Variants in TNFRSF10B observed in about 807,000 individuals in gnomAD.
TNFRSF10B encodes tumor necrosis factor receptor superfamily member 10B.
A neutral mutation model predicts 41.4 loss-of-function variants in TNFRSF10B; 35 were observed. The ratio of observed to expected loss-of-function variants is 0.85; its 90% confidence interval spans 0.65 to 1.12. TNFRSF10B has a LOEUF of 1.12. Ranked by LOEUF, TNFRSF10B falls within the 50% of genes most tolerant of loss-of-function variation. TNFRSF10B has a pLI of 0.00. For missense variants in TNFRSF10B, 584 were observed against 552.7 expected (o/e 1.06, Z -0.57); for synonymous variants, 230 against 215.5 (o/e 1.07, Z -0.59).
chr8:23,033,393 G>A (rs180740033), intron 2 of TNFRSF10B, among the ~76,000 whole-genome samples: 279 of 151,942 alleles, frequency 1.8e-3, no homozygotes, highest in African/African-American at 6.5e-3. Flanking sequence ...GACCATCCTG[G>A]CTAACACGGT....
Position 23,021,363 on chromosome 8 carries a change from G to C in TNFRSF10B, c.*1308C>G, listed in dbSNP as rs1041518314. 2.2e-6 allele frequency: 1 copy of C among 453,990 alleles called. No homozygotes were observed. Among genetic ancestry groups the C allele is most frequent in the Non-Finnish European group, 4.4e-6 (1 of 226,806 alleles). The allele number at this position is 453,990 out of a possible 1,614,324, so 28.1% of individuals were successfully genotyped here. On this transcript the variant is annotated 3_prime_UTR_variant, in exon 9 of 9. Transcript: ENST00000276431. ...CTAAAAGGCAGCTCATGGGCTCAGG[G>C]TGACAGATAACCAGAAGTGAGCCGG...
At chr8:23,050,156 G>A (rs1163920030) in intron 1 of TNFRSF10B, among the ~76,000 whole-genome samples, 4 of 152,210 alleles carry the variant, frequency 2.6e-5, no homozygotes, top group Admixed American at 1.3e-4. Flanking sequence ...CCATTTATCC[G>A]GTACTGCCAA....
chr8:23,029,660 G>A lies in TNFRSF10B; in HGVS notation c.426C>T (p.Gly142=), dbSNP rs776383171. 1.9e-6 allele frequency: 3 copies of A among 1,613,700 alleles called. No homozygotes were observed. The highest frequency in any genetic ancestry group is 2.5e-6 in the Non-Finnish European group (3 of 1,179,944). The change falls in exon 4 of 9, where the codon GGC becomes GGT. Residue 142 remains glycine (G), a synonymous_variant. Transcript: ENST00000276431. ...TRNTVCQCEE[G]TFREEDSPEM... ...CAGGAGAATCTTCTTCCCGGAAGGTGCCTTCTTCGCACTGACACACTGTGT... is the reference window on the plus strand; with the variant it reads ...CAGGAGAATCTTCTTCCCGGAAGGTACCTTCTTCGCACTGACACACTGTGT...
intron 2 of TNFRSF10B, 108 bp from the exon 3 acceptor site, chr8:23,030,980 G>C: frequency 1.3e-6 from 1 of 771,000 alleles, no homozygotes; most frequent in East Asian, 2.7e-5. Flanking sequence ...CCAAAAGAGG[G>C]AAATCTCCTC....
chr8:23,029,186 C>T (rs969742669), intron 4 of TNFRSF10B, among the ~76,000 whole-genome samples: 1 of 152,134 alleles, frequency 6.6e-6, no homozygotes, highest in Non-Finnish European at 1.5e-5. Context: ...CTTATTATGC[C>T]TTTTGTGGGC....
intron 1 of TNFRSF10B, among the ~76,000 whole-genome samples, chr8:23,062,223 TTTTC>T (rs769931243): frequency 2.0e-5 from 3 of 152,110 alleles, no homozygotes; most frequent in South Asian, 2.1e-4. Context: ...TCTTTTTTCT[TTTTC>T]TTTCTTTCTT....
chr8:23,061,797 G>T (rs1257068996), intron 1 of TNFRSF10B, among the ~76,000 whole-genome samples: 2 of 152,150 alleles, frequency 1.3e-5, no homozygotes, highest in Admixed American at 6.5e-5. Context: ...ATGATCATGT[G>T]TCTTTTTCCC....
chr8:23,047,155 C>T (rs1158229053), intron 1 of TNFRSF10B, among the ~76,000 whole-genome samples: 2 of 151,996 alleles, frequency 1.3e-5, no homozygotes. Context: ...GTCGGGAGTT[C>T]AAGACCAGCC....
Position 23,025,421 on chromosome 8 carries a change from C to T in TNFRSF10B, c.937-1161G>A, listed in dbSNP as rs149377140. Among the ~76,000 whole-genome samples the T allele has an allele frequency of 5.3e-5, 8 of 151,866 alleles. No homozygotes were observed. The East Asian group carries it at 5.8e-4, about 11-fold the overall frequency. On this transcript the variant is annotated intron_variant, in intron 7 of 8. Transcript: ENST00000276431. ...TTGTAAAGTCTAGTGACTATGTGGGCGGGAGGGGTACTAGAGAAAATCTTA... is the reference window on the plus strand; with the variant it reads ...TTGTAAAGTCTAGTGACTATGTGGGTGGGAGGGGTACTAGAGAAAATCTTA...
intron 1 of TNFRSF10B, among the ~76,000 whole-genome samples, chr8:23,063,206 G>GGT (rs1193089019): frequency 1.3e-5 from 2 of 152,046 alleles, no homozygotes; most frequent in African/African-American, 4.8e-5. Flanking sequence ...AAATTAGCTG[G>GGT]GTGTGGTGGC....
intron 1 of TNFRSF10B, among the ~76,000 whole-genome samples, chr8:23,057,824 A>G (rs1406243993): frequency 1.3e-5 from 2 of 152,190 alleles, no homozygotes; most frequent in South Asian, 2.1e-4. Context: ...ATGTCTTATA[A>G]TATTCTTTAC....
chr8:23,022,125 T>C lies in TNFRSF10B; in HGVS notation c.*546A>G, dbSNP rs1471158377. On this transcript the variant is annotated 3_prime_UTR_variant, in exon 9 of 9. Coordinates refer to ENST00000276431, the MANE Select transcript of TNFRSF10B (RefSeq NM_003842.5). ...AATACAAAAAATTAGCCGGGCGTGGTGGTGCACACCTGTGGTCCCAGCTAT... is the reference window on the plus strand; with the variant it reads ...AATACAAAAAATTAGCCGGGCGTGGCGGTGCACACCTGTGGTCCCAGCTAT... 1 of 433,762 alleles carries C rather than the reference T, an allele frequency of 2.3e-6. No homozygotes were observed. Among genetic ancestry groups the C allele is most frequent in the African/African-American group, 2.0e-5 (1 of 49,190 alleles). The allele number at this position is 433,762 out of a possible 1,614,324, so 26.9% of individuals were successfully genotyped here.
Position 23,029,604 on chromosome 8 carries a change from T to A in TNFRSF10B, c.476+6A>T. On this transcript the variant is annotated splice_donor_region_variant and intron_variant, in intron 4 of 8. Transcript: ENST00000276431. The stretch of plus-strand genomic sequence containing the variant: ...AGCTACTGGGAGCCCCCGGCTCCTG[T>A]CTCACCCTGTGCGGCACTTCCGGCA... 1 of 1,607,214 alleles carries A rather than the reference T, an allele frequency of 6.2e-7. No homozygotes were observed. The highest frequency in any genetic ancestry group is 8.5e-7 in the Non-Finnish European group (1 of 1,176,406).
intron 4 of TNFRSF10B, among the ~76,000 whole-genome samples, chr8:23,028,932 G>A (rs551036141): frequency 1.3e-5 from 2 of 152,328 alleles, no homozygotes; most frequent in African/African-American, 2.4e-5. Flanking sequence ...TCACAAGCCC[G>A]TGTGGCCACA....
At chr8:23,035,753 C>A (rs1172479014) in intron 2 of TNFRSF10B, among the ~76,000 whole-genome samples, 1 of 152,138 alleles carries the variant, frequency 6.6e-6, no homozygotes, top group African/African-American at 2.4e-5. Flanking sequence ...CCCCCACCTC[C>A]CTACAACCAA....
At chr8:23,059,018 C>G (rs1012266946) in intron 1 of TNFRSF10B, among the ~76,000 whole-genome samples, 4 of 152,168 alleles carry the variant, frequency 2.6e-5, no homozygotes, top group Admixed American at 1.3e-4. Flanking sequence ...ATTCTTCCCT[C>G]CTTACAACCG....
chr8:23,055,448 G>A (rs979128438), intron 1 of TNFRSF10B, among the ~76,000 whole-genome samples: 2 of 150,112 alleles, frequency 1.3e-5, no homozygotes, highest in Non-Finnish European at 3.0e-5. Context: ...TAGCAGGCCA[G>A]GTTTCACTAA....
chr8:23,065,578 G>T (rs1812957565), intron 1 of TNFRSF10B, among the ~76,000 whole-genome samples: 1 of 152,202 alleles, frequency 6.6e-6, no homozygotes, highest in Non-Finnish European at 1.5e-5. Context: ...CCAGGGTGCT[G>T]GCGAGTTACC....
intron 1 of TNFRSF10B, 151 bp from the exon 2 acceptor site, chr8:23,043,394 G>A (rs1812264897): frequency 1.5e-6 from 1 of 649,012 alleles, no homozygotes; most frequent in Non-Finnish European, 2.8e-6. Flanking sequence ...TTTAGTGTTT[G>A]TTTGTCCCTT....
Sources: allele counts gnomAD v4.1 joint callset (sites outside exome capture counted in the v4.1 genomes callset), GRCh38; gene constraint gnomAD v4.1.1; transcripts MANE v1.5; gene names NCBI Gene and HGNC (gene_info 2026-07-23, HGNC 2026-07-21).